Variants in GAS2 observed in about 807,000 individuals in gnomAD.
The protein encoded by GAS2 is growth arrest-specific protein 2.
In GAS2, 20 loss-of-function variants were observed where a neutral mutation model predicts 37.5. The ratio of observed to expected loss-of-function variants is 0.53; its 90% CI spans 0.37 to 0.77. The LOEUF is 0.77. GAS2 is among the 30% of genes least tolerant of loss of function. GAS2 has a pLI of 0.00. For synonymous variants in GAS2, 144 were observed against 132.2 expected (o/e 1.09, Z -0.61); for missense variants, 336 against 373.4 (o/e 0.90, Z 0.82).
At chr11:22,709,893 C>T (rs1386930883) in intron 3 of GAS2, among the ~76,000 whole-genome samples, 6 of 151,764 alleles carry the variant, frequency 4.0e-5, no homozygotes, top group African/African-American at 1.2e-4. Flanking sequence ...TCATCATTCT[C>T]AGTAAACTAT....
At chr11:22,787,341 T>A (rs1855864341) in intron 7 of GAS2, among the ~76,000 whole-genome samples, 1 of 152,088 alleles carries the variant, frequency 6.6e-6, no homozygotes, top group Non-Finnish European at 1.5e-5. Context: ...AAGCATTAAA[T>A]GAGATAAAGT....
At chr11:22,649,095 A>G (rs1447371579) in intron 1 of GAS2, among the ~76,000 whole-genome samples, 3 of 152,100 alleles carry the variant, frequency 2.0e-5, no homozygotes, top group African/African-American at 4.8e-5. Context: ...CGTCCCATCA[A>G]TACCTAATTT....
intron 7 of GAS2, among the ~76,000 whole-genome samples, chr11:22,789,148 A>T (rs1231365453): frequency 6.7e-6 from 1 of 150,266 alleles, no homozygotes; most frequent in Non-Finnish European, 1.5e-5. Flanking sequence ...GAAGTACAAG[A>T]TCCTATGCCA....
In GAS2 at chr11:22,801,141, C is replaced by T. The variant is rs564862620; in HGVS notation, c.724-10657C>T. On this transcript the variant is annotated intron_variant, in intron 7 of 7. Coordinates refer to ENST00000454584, the MANE Select transcript of GAS2 (RefSeq NM_001143830.3). ...TTTTTTTATTGCTTTAAGTTCTTAC[C>T]TCCATATAATGTGATTCCAGCCTGT... 1.2e-4 allele frequency among the ~76,000 whole-genome samples: 18 copies of T among 152,016 alleles called. 1 individual carries two copies. Among genetic ancestry groups the T allele is most frequent in the Admixed American group, 1.1e-3 (17 of 15,250 alleles).
At chr11:22,646,035 G>T (rs972362205) in intron 1 of GAS2, among the ~76,000 whole-genome samples, 1 of 151,766 alleles carries the variant, frequency 6.6e-6, no homozygotes, top group Non-Finnish European at 1.5e-5. Context: ...TAGACACGGG[G>T]TTTCTCCATG....
intron 7 of GAS2, among the ~76,000 whole-genome samples, chr11:22,790,182 G>C (rs1856074737): frequency 6.6e-6 from 1 of 152,176 alleles, no homozygotes; most frequent in South Asian, 2.1e-4. Context: ...TTGGATGAGA[G>C]TGAGGTAATT....
intron 7 of GAS2, among the ~76,000 whole-genome samples, chr11:22,807,692 C>A (rs1228802836): frequency 6.6e-6 from 1 of 152,188 alleles, no homozygotes; most frequent in Non-Finnish European, 1.5e-5. Context: ...TTTTCAGGTG[C>A]TGCAGCCTGT....
intron 1 of GAS2, among the ~76,000 whole-genome samples, chr11:22,652,643 G>T (rs559165133): frequency 2.0e-5 from 3 of 152,214 alleles, no homozygotes; most frequent in Non-Finnish European, 4.4e-5. Context: ...TTTTAAGCCC[G>T]TGGGAAAAGC....
At chr11:22,765,024 A>G (rs1209642298) in intron 7 of GAS2, among the ~76,000 whole-genome samples, 1 of 152,216 alleles carries the variant, frequency 6.6e-6, no homozygotes, top group Non-Finnish European at 1.5e-5. Flanking sequence ...TTGGCCACAA[A>G]TCATATTAAG....
At chr11:22,764,767 A>G (rs1038646349) in intron 7 of GAS2, among the ~76,000 whole-genome samples, 3 of 152,194 alleles carry the variant, frequency 2.0e-5, no homozygotes, top group Admixed American at 2.0e-4. Context: ...ATAAATAAAT[A>G]GAAGCTCAAA....
chr11:22,648,975 G>A (rs576015214), intron 1 of GAS2, among the ~76,000 whole-genome samples: 2 of 152,072 alleles, frequency 1.3e-5, no homozygotes, highest in Non-Finnish European at 2.9e-5. Flanking sequence ...TGGTGAGAGA[G>A]GGCATCCCTG....
intron 2 of GAS2, among the ~76,000 whole-genome samples, chr11:22,677,691 T>A (rs186187339): frequency 6.6e-6 from 1 of 152,242 alleles, no homozygotes; most frequent in East Asian, 1.9e-4. Context: ...ATCCTTGGAT[T>A]AAAAATCAGG....
chr11:22,811,964 A>T lies in GAS2; in HGVS notation c.890A>T (p.Asp297Val). 6.2e-7 allele frequency: 1 copy of T among 1,614,146 alleles called. No homozygotes were observed. Among genetic ancestry groups the T allele is most frequent in the Non-Finnish European group, 8.5e-7 (1 of 1,180,012 alleles). ...KSPTLKDMNP[D>V]NYLVVSASYK... ...CCAACTCTAAAGGACATGAATCCAG[A>T]TAACTACTTGGTGGTCTCTGCCAGT... Residue 297 changes from aspartate to valine, a missense_variant, in exon 8 of 8, where the codon GAT becomes GTT. Transcript: ENST00000454584.
intron 6 of GAS2, among the ~76,000 whole-genome samples, chr11:22,751,774 G>C (rs1853746416): frequency 6.6e-6 from 1 of 151,912 alleles, no homozygotes; most frequent in Non-Finnish European, 1.5e-5. Flanking sequence ...GAAGGTGATA[G>C]GAAAACTATG....
chr11:22,636,219 C>T (rs989590637), intron 1 of GAS2, among the ~76,000 whole-genome samples: 1 of 152,074 alleles, frequency 6.6e-6, no homozygotes, highest in Admixed American at 6.6e-5. Context: ...GTGGGAGAGA[C>T]ATGCTAACAA....
At chr11:22,698,189 C>A (rs1456608562) in intron 3 of GAS2, among the ~76,000 whole-genome samples, 1 of 152,128 alleles carries the variant, frequency 6.6e-6, no homozygotes, top group African/African-American at 2.4e-5. Context: ...AAGGGGATAT[C>A]ACCACCCATC....
intron 1 of GAS2, among the ~76,000 whole-genome samples, chr11:22,647,311 C>A (rs1848709204): frequency 6.6e-6 from 1 of 151,980 alleles, no homozygotes; most frequent in African/African-American, 2.4e-5. Context: ...TTTTCTTAAT[C>A]CAGTCTATCA....
chr11:22,708,051 A>C (rs996232637), intron 3 of GAS2, among the ~76,000 whole-genome samples: 1 of 151,630 alleles, frequency 6.6e-6, no homozygotes, highest in Non-Finnish European at 1.5e-5. Flanking sequence ...AATTGAAGAG[A>C]TATTCATTGG....
chr11:22,668,179 T>C (rs1849055573), intron 1 of GAS2: 1 of 152,228 alleles, frequency 6.6e-6, no homozygotes, highest in South Asian at 2.1e-4. Context: ...GTGTGGACAC[T>C]GATTAACTGC....
Sources: allele counts gnomAD v4.1 joint callset (sites outside exome capture counted in the v4.1 genomes callset), GRCh38; gene constraint gnomAD v4.1.1; transcripts MANE v1.5; gene names NCBI Gene and HGNC (gene_info 2026-07-23, HGNC 2026-07-21).